The following KLK9 variants were observed in gnomAD, a reference collection of about 807,000 sequenced individuals.
KLK9 encodes kallikrein related peptidase 9, also known as kallikrein-9.
Under a neutral mutation model 23.3 loss-of-function variants are expected in KLK9, and 26 were observed. That is an observed-to-expected ratio of 1.12 (90% CI 0.82 to 1.55). The LOEUF (loss-of-function observed/expected upper bound fraction) is 1.55, where lower values mean the gene tolerates loss of function less well. Ranked by LOEUF, KLK9 falls within the 40% of genes most tolerant of loss-of-function variation. KLK9 has a pLI of 0.00. For missense variants in KLK9, 346 were observed against 333.7 expected (o/e 1.04, Z -0.29); for synonymous variants, 122 against 128.5 (o/e 0.95, Z 0.34).
In KLK9 at chr19:51,006,846, C is replaced by A; in HGVS notation, c.201-123G>T. ...CTGCAAGCCACACACCCTCTCTGCA[C>A]CCTCATCATCTATGTCTGGCCCAGG... On this transcript the variant is annotated intron_variant, in intron 2 of 4. Coordinates refer to ENST00000594211, the MANE Select transcript of KLK9 (RefSeq NM_012315.2). This position sits in a 1 kb window ranked among gnomAD's most constrained non-coding sequence, Gnocchi z 4.1. 1 of 1,053,260 alleles carries A rather than the reference C, an allele frequency of 9.5e-7. No individual in the cohort carries two copies. The highest frequency in any genetic ancestry group is 2.7e-5 in the East Asian group (1 of 37,526). 65.2% of individuals were successfully genotyped at this position (1,053,260 alleles called of 1,614,324 possible).
Position 51,006,460 on chromosome 19 carries a change from T to C in KLK9, c.464A>G (p.Lys155Arg). ...ISGWGAVSSP[K>R]ALFPVTLQCA... ...GAGAGTTCTGGGCCAGGTCATACCCTTGGGGCTGGACACGGCCCCCCAGCC... is the reference window on the plus strand; with the variant it reads ...GAGAGTTCTGGGCCAGGTCATACCCCTGGGGCTGGACACGGCCCCCCAGCC... The change falls in exon 3 of 5, where the codon AAG becomes AGG. Residue 155 changes from lysine (K) to arginine (R), a missense_variant and splice_region_variant. Physicochemically the swap from Lys to Arg is conservative, Grantham distance 26. Coordinates refer to ENST00000594211, the MANE Select transcript of KLK9 (RefSeq NM_012315.2). This position sits in a 1 kb window ranked among gnomAD's most constrained non-coding sequence, Gnocchi z 4.1. 4 of 1,609,430 alleles carry C rather than the reference T, an allele frequency of 2.5e-6. No individual in the cohort carries two copies. The highest frequency in any genetic ancestry group is 3.4e-6 in the Non-Finnish European group (4 of 1,177,600).
At position 51,006,363 on chromosome 19, in the gene KLK9, A is replaced by C; in HGVS notation, c.466+95T>G. 8.5e-7 allele frequency: 1 copy of C among 1,180,196 alleles called. No homozygotes were observed. The highest frequency in any genetic ancestry group is 1.2e-6 in the Non-Finnish European group (1 of 856,108). The allele number at this position is 1,180,196 out of a possible 1,614,324, so 73.1% of individuals were successfully genotyped here. A position where few individuals can be genotyped will look rare whatever the true frequency, so the allele number is the denominator to read the frequency against. On this transcript the variant is annotated intron_variant, in intron 3 of 4. Transcript: ENST00000594211. This position sits in a 1 kb window ranked among gnomAD's most constrained non-coding sequence, Gnocchi z 4.1. ...GGCAGATAGATAGACTGACAGAGAG[A>C]GAGAGGAGAGAGAAAAGGAGAAGAC...
rs1161614694 is a variant in KLK9 at position 51,006,315 on chromosome 19, A to G, written c.466+143T>C. ...CACATCTTAAAAATGCTAGCATCTT[A>G]TATTTGGTTAAATATATCGATTGGC... On this transcript the variant is annotated intron_variant, in intron 3 of 4. Coordinates refer to ENST00000594211, the MANE Select transcript of KLK9 (RefSeq NM_012315.2). This position sits in a 1 kb window ranked among gnomAD's most constrained non-coding sequence, Gnocchi z 4.1. The G allele has an allele frequency of 3.7e-6, 3 of 819,412 alleles. No individual in the cohort carries two copies. Among genetic ancestry groups the G allele is most frequent in the African/African-American group, 1.7e-5 (1 of 58,038 alleles). 50.8% of individuals were successfully genotyped at this position (819,412 alleles called of 1,614,324 possible).
At chr19:51,005,863 G>A (rs530251549) in intron 3 of KLK9, among the ~76,000 whole-genome samples, 36 of 151,424 alleles carry the variant, frequency 2.4e-4, no homozygotes, top group Non-Finnish European at 4.7e-4. Flanking sequence ...CAGATCACCA[G>A]GTCAGGAATT....
chr19:51,006,874 A>G lies in KLK9; in HGVS notation c.201-151T>C. 1 of 871,300 alleles carries G rather than the reference A, an allele frequency of 1.1e-6. No homozygotes were observed. 54.0% of individuals were successfully genotyped at this position (871,300 alleles called of 1,614,324 possible). The stretch of plus-strand genomic sequence containing the variant: ...TCATCATCTATGTCTGGCCCAGGGT[A>G]CTGTGATTTTAAGCGAGGCACACAC... On this transcript the variant is annotated intron_variant, in intron 2 of 4. Transcript: ENST00000594211. This position sits in a 1 kb window ranked among gnomAD's most constrained non-coding sequence, Gnocchi z 4.1.
At chr19:51,008,197 G>T (rs1193509480) in intron 2 of KLK9, among the ~76,000 whole-genome samples, 1 of 148,942 alleles carries the variant, frequency 6.7e-6, no homozygotes, top group African/African-American at 2.5e-5. Context: ...AAATAGCCTG[G>T]CATGGTGGTG....
At chr19:51,005,843 C>T (rs1420048771) in intron 3 of KLK9, among the ~76,000 whole-genome samples, 1 of 151,198 alleles carries the variant, frequency 6.6e-6, no homozygotes, top group Non-Finnish European at 1.5e-5. Context: ...CTTTGGGAGT[C>T]CAAGGCGGGC....
At position 51,006,827 on chromosome 19, in the gene KLK9, G is replaced by A. The variant is rs1412526567; in HGVS notation, c.201-104C>T. On this transcript the variant is annotated intron_variant, in intron 2 of 4. Coordinates refer to ENST00000594211, the MANE Select transcript of KLK9 (RefSeq NM_012315.2). The surrounding 1 kb of genome is among the most constrained non-coding windows in gnomAD (Gnocchi z 4.1). Reference sequence around the variant, plus strand: ...CAGGGTGCTGTGTGACCCTCTGCAAGCCACACACCCTCTCTGCACCCTCAT... The same window carrying A: ...CAGGGTGCTGTGTGACCCTCTGCAAACCACACACCCTCTCTGCACCCTCAT... 1.6e-6 allele frequency: 2 copies of A among 1,235,518 alleles called. No homozygotes were observed. Among genetic ancestry groups the A allele is most frequent in the Non-Finnish European group, 2.2e-6 (2 of 907,126 alleles). The allele number at this position is 1,235,518 out of a possible 1,614,324, so 76.5% of individuals were successfully genotyped here. A position where few individuals can be genotyped will look rare whatever the true frequency, so the allele number is the denominator to read the frequency against.
rs373246049 is a variant in KLK9 at position 51,009,440 on chromosome 19, A to G, written c.43+65T>C. Reference sequence around the variant, plus strand: ...AGAGGGCAGGAGGCAGAAGCCTGGGATGGGAGGGAAGAGCAAGGTGACCTT... The same window carrying G: ...AGAGGGCAGGAGGCAGAAGCCTGGGGTGGGAGGGAAGAGCAAGGTGACCTT... On this transcript the variant is annotated intron_variant, in intron 1 of 4. Coordinates refer to ENST00000594211, the MANE Select transcript of KLK9 (RefSeq NM_012315.2). This position sits in a 1 kb window ranked among gnomAD's most constrained non-coding sequence, Gnocchi z 4.8. 1.3e-3 allele frequency: 2,032 copies of G among 1,563,284 alleles called. 18 individuals carry two copies. In the African/African-American group the frequency reaches 0.025, roughly 19 times the overall value.
In KLK9 at chr19:51,003,290, T is replaced by G. The variant is rs374358295; in HGVS notation, c.604-30A>C. ...ACGCGAGAGAAGGGCAGAGGAACTG[T>G]TAGGCCACTCTGTTCATGACAATTA... On this transcript the variant is annotated intron_variant, in intron 4 of 4. Coordinates refer to ENST00000594211, the MANE Select transcript of KLK9 (RefSeq NM_012315.2). 8.1e-6 allele frequency: 13 copies of G among 1,599,666 alleles called. No homozygotes were observed. The African/African-American group carries it at 1.6e-4, about 20-fold the overall frequency.
At chr19:51,007,256 C>A (rs937052080) in intron 2 of KLK9, among the ~76,000 whole-genome samples, 1 of 151,830 alleles carries the variant, frequency 6.6e-6, no homozygotes, top group Non-Finnish European at 1.5e-5. Flanking sequence ...CTATCATATC[C>A]TTCACCCTTC....
At chr19:51,003,291 T>G (rs758906393) in intron 4 of KLK9, 31 bp from the exon 5 acceptor site, 1 of 1,598,120 alleles carries the variant, frequency 6.3e-7, no homozygotes, top group Admixed American at 1.7e-5. Context: ...GAGGAACTGT[T>G]AGGCCACTCT....
Position 51,006,659 on chromosome 19 carries a change from G to A in KLK9, c.265C>T (p.Arg89Trp), listed in dbSNP as rs532477185. 45 of 1,612,488 alleles carry A rather than the reference G, an allele frequency of 2.8e-5. 1 individual carries two copies. Among genetic ancestry groups the A allele is most frequent in the South Asian group, 2.1e-4 (19 of 90,930 alleles). Residue 89 changes from arginine (R) to tryptophan (W), a missense_variant, in exon 3 of 5, where the codon CGG becomes TGG. Physicochemically the swap from Arg to Trp is moderately radical, Grantham distance 101. Coordinates refer to ENST00000594211, the MANE Select transcript of KLK9 (RefSeq NM_012315.2). This position sits in a 1 kb window ranked among gnomAD's most constrained non-coding sequence, Gnocchi z 4.1. ...WKWEGPEQLF[R>W]VTDFFPHPGF... Reference sequence around the variant, plus strand: ...GGGTGGGGGAAGAAGTCCGTAACCCGGAACAGCTGCTCCGGACCCTCCCAT... The same window carrying A: ...GGGTGGGGGAAGAAGTCCGTAACCCAGAACAGCTGCTCCGGACCCTCCCAT...
At position 51,009,554 on chromosome 19, in the gene KLK9, T is replaced by A; in HGVS notation, c.-7A>T. On this transcript the variant is annotated 5_prime_UTR_variant, in exon 1 of 5. Transcript: ENST00000594211. The surrounding 1 kb of genome is among the most constrained non-coding windows in gnomAD (Gnocchi z 4.8). The stretch of plus-strand genomic sequence containing the variant: ...AGAGGAGTCCCAGCTTCATGACCCC[T>A]GGGCACCTGGATCCTGGAACGTGCA... The A allele has an allele frequency of 6.2e-7, 1 of 1,612,518 alleles. No homozygotes were observed. Among genetic ancestry groups the A allele is most frequent in the South Asian group, 1.1e-5 (1 of 90,426 alleles).
chr19:51,009,020 T>G lies in KLK9; in HGVS notation c.200+163A>C, dbSNP rs1189236795. The stretch of plus-strand genomic sequence containing the variant: ...GACTTCTCAAATGAGATATTGCTGG[T>G]CTCTAGAATTTTAGGATTTGGGAGG... On this transcript the variant is annotated intron_variant, in intron 2 of 4. Transcript: ENST00000594211. The surrounding 1 kb of genome is among the most constrained non-coding windows in gnomAD (Gnocchi z 4.8). Among the ~76,000 whole-genome samples, 3 of 152,228 alleles carry G rather than the reference T, an allele frequency of 2.0e-5. No individual in the cohort carries two copies. The highest frequency in any genetic ancestry group is 4.4e-5 in the Non-Finnish European group (3 of 68,034).
rs1335611788 is a variant in KLK9 at position 51,006,811 on chromosome 19, G to T, written c.201-88C>A. On this transcript the variant is annotated intron_variant, in intron 2 of 4. Coordinates refer to ENST00000594211, the MANE Select transcript of KLK9 (RefSeq NM_012315.2). This position sits in a 1 kb window ranked among gnomAD's most constrained non-coding sequence, Gnocchi z 4.1. ...CTCTTTTCCTGTCCATCAGGGTGCT[G>T]TGTGACCCTCTGCAAGCCACACACC... 5.8e-6 allele frequency: 8 copies of T among 1,384,824 alleles called. No homozygotes were observed. In the Admixed American group the frequency reaches 8.5e-5, roughly 15 times the overall value. The allele number at this position is 1,384,824 out of a possible 1,614,324, so 85.8% of individuals were successfully genotyped here.
chr19:51,006,454 A>C lies in KLK9; in HGVS notation c.466+4T>G, dbSNP rs745878569. ...TTCAGAGAGAGTTCTGGGCCAGGTC[A>C]TACCCTTGGGGCTGGACACGGCCCC... is the stretch of plus-strand genomic sequence containing the variant. On this transcript the variant is annotated splice_donor_region_variant and intron_variant, in intron 3 of 4. Transcript: ENST00000594211. This position sits in a 1 kb window ranked among gnomAD's most constrained non-coding sequence, Gnocchi z 4.1. 1.2e-6 allele frequency: 2 copies of C among 1,606,658 alleles called. No homozygotes were observed. The highest frequency in any genetic ancestry group is 1.7e-5 in the Admixed American group (1 of 59,302).
intron 2 of KLK9, among the ~76,000 whole-genome samples, chr19:51,008,539 A>C (rs2091264816): frequency 1.3e-5 from 2 of 152,150 alleles, no homozygotes; most frequent in Non-Finnish European, 2.9e-5. Flanking sequence ...TCTGAATTTA[A>C]GATTCTAGGA....
intron 2 of KLK9, among the ~76,000 whole-genome samples, chr19:51,008,200 T>C (rs2091263038): frequency 6.9e-6 from 1 of 144,782 alleles, no homozygotes; most frequent in Admixed American, 6.9e-5. Flanking sequence ...TAGCCTGGCA[T>C]GGTGGTGCAT....
Sources: allele counts gnomAD v4.1 joint callset (sites outside exome capture counted in the v4.1 genomes callset), GRCh38; gene constraint gnomAD v4.1.1; non-coding constraint Gnocchi (gnomAD v3.1); transcripts MANE v1.5; gene names NCBI Gene and HGNC (gene_info 2026-07-23, HGNC 2026-07-21).